Variants in PCDH15 observed in about 807,000 individuals in gnomAD.
The protein encoded by PCDH15 is protocadherin related 15.
A neutral mutation model predicts 178.5 loss-of-function variants in PCDH15; 129 were observed. That is an observed-to-expected ratio of 0.72 (90% CI 0.63 to 0.84). PCDH15 has a LOEUF of 0.84. Among genes scored for constraint, PCDH15 ranks in the 40% least tolerant of loss-of-function variants. The pLI is 0.00. For synonymous variants in PCDH15, 800 were observed against 732.0 expected (o/e 1.09, Z -1.50); for missense variants, 2,230 against 2,099.9 (o/e 1.06, Z -1.21).
intron 2 of PCDH15, among the ~76,000 whole-genome samples, chr10:54,587,802 T>C (rs990494100): frequency 4.6e-5 from 7 of 152,122 alleles, no homozygotes; most frequent in East Asian, 1.9e-4. Context: ...TGTGAAAGTA[T>C]AGCAAACAAA....
At chr10:54,598,697 AG>A (rs1423528997) in intron 2 of PCDH15, among the ~76,000 whole-genome samples, 3 of 152,196 alleles carry the variant, frequency 2.0e-5, no homozygotes, top group African/African-American at 7.2e-5. Context: ...TCCTGTTTGC[AG>A]ATGAAATGAT....
chr10:53,877,778 G>T (rs1468237758), intron 26 of PCDH15, among the ~76,000 whole-genome samples: 1 of 151,886 alleles, frequency 6.6e-6, no homozygotes, highest in South Asian at 2.1e-4. Context: ...TCACCTCCTG[G>T]CTCCTCCCTA....
At chr10:54,259,492 G>C (rs572710738) in intron 8 of PCDH15, among the ~76,000 whole-genome samples, 109 of 152,260 alleles carry the variant, frequency 7.2e-4, no homozygotes, top group African/African-American at 1.8e-3. Context: ...CAAGAAGAGA[G>C]TGAACAAAGT....
chr10:53,937,921 C>G (rs1353952808), intron 25 of PCDH15, among the ~76,000 whole-genome samples: 3 of 151,954 alleles, frequency 2.0e-5, no homozygotes, highest in Non-Finnish European at 4.4e-5. Context: ...TGTTTCAGAT[C>G]CTGTTTCTCA....
Position 54,378,859 on chromosome 10 carries a change from C to T in PCDH15, c.241G>A (p.Val81Met). 6.2e-7 allele frequency: 1 copy of T among 1,613,838 alleles called. No individual in the cohort carries two copies. The highest frequency in any genetic ancestry group is 2.2e-5 in the East Asian group (1 of 44,868). The stretch of plus-strand genomic sequence containing the variant: ...GGATCCATCAACACCCAGTAATCCA[C>T]ATTATCCTTTAAAGAAAGTTCTATG... ...PTIELSLKDN[V>M]DYWVLMDPVK... Residue 81 changes from valine to methionine, a missense_variant, in exon 4 of 38, where the codon GTG becomes ATG. Physicochemically the swap from Val to Met is conservative, Grantham distance 21 (BLOSUM62 1). Transcript: ENST00000644397.
intron 1 of PCDH15, among the ~76,000 whole-genome samples, chr10:55,261,231 T>C (rs1009930933): frequency 4.6e-5 from 7 of 152,338 alleles, no homozygotes; most frequent in African/African-American, 1.7e-4. Context: ...ATATGAAATA[T>C]AATTGGTATG....
At chr10:54,830,679 A>T (rs1373901805) in intron 3 of PCDH15, among the ~76,000 whole-genome samples, 3 of 152,032 alleles carry the variant, frequency 2.0e-5, no homozygotes, top group Admixed American at 6.6e-5. Flanking sequence ...GCACATGTAT[A>T]CATATGTAAC....
intron 8 of PCDH15, among the ~76,000 whole-genome samples, chr10:54,274,058 T>C (rs1401658801): frequency 6.6e-6 from 1 of 152,006 alleles, no homozygotes; most frequent in Admixed American, 6.6e-5. Context: ...CACTGCATGC[T>C]CTAACTCATA....
At chr10:54,271,721 C>T (rs1329915928) in intron 8 of PCDH15, among the ~76,000 whole-genome samples, 2 of 152,016 alleles carry the variant, frequency 1.3e-5, no homozygotes, top group East Asian at 1.9e-4. Flanking sequence ...CTTATACTCA[C>T]TATTTGCCCT....
At chr10:55,435,879 A>G (rs1839026902) in intron 2 of PCDH15, among the ~76,000 whole-genome samples, 1 of 152,166 alleles carries the variant, frequency 6.6e-6, no homozygotes, top group African/African-American at 2.4e-5. Context: ...TGTAATAGAG[A>G]AATGATTTTC....
intron 1 of PCDH15, among the ~76,000 whole-genome samples, chr10:55,180,276 C>A (rs1183651066): frequency 1.3e-5 from 2 of 152,060 alleles, no homozygotes; most frequent in Non-Finnish European, 1.5e-5. Context: ...AGGCTGGCTC[C>A]AGTTGTACAA....
rs1264383045 is a variant in PCDH15, at chr10:54,952,442, TCTCTAA to T, written c.-79-54948_-79-54943del. Among the ~76,000 whole-genome samples the T allele has an allele frequency of 8.6e-5, 13 of 151,890 alleles. No individual in the cohort carries two copies. The South Asian group carries it at 2.7e-3, about 31-fold the overall frequency. ...CACCTTGAAGTCAGGTTGTGTTGTT[TCTCTAA>T]CTCTGTTTTTCTCTTTCAAAACTAT... is the stretch of plus-strand genomic sequence containing the variant. On this transcript the variant is annotated intron_variant, in intron 2 of 5. Transcript: ENST00000458638.
chr10:55,199,077 C>A (rs573182046), intron 1 of PCDH15, among the ~76,000 whole-genome samples: 1 of 152,108 alleles, frequency 6.6e-6, no homozygotes, highest in South Asian at 2.1e-4. Flanking sequence ...GTGGAAGCAA[C>A]TTTTGGAACT....
chr10:53,824,263 C>T (rs972493773), intron 32 of PCDH15, among the ~76,000 whole-genome samples: 2 of 152,046 alleles, frequency 1.3e-5, no homozygotes, highest in Non-Finnish European at 1.5e-5. Flanking sequence ...AATTAAATGG[C>T]TCTAAGGAAA....
intron 2 of PCDH15, among the ~76,000 whole-genome samples, chr10:55,070,418 C>T (rs1397226578): frequency 1.1e-3 from 166 of 151,722 alleles, no homozygotes; most frequent in Middle Eastern, 3.4e-3. Flanking sequence ...TTAGGTCTAA[C>T]GTTTAAGTCT....
At chr10:54,260,361 TA>T (rs2057222527) in intron 8 of PCDH15, among the ~76,000 whole-genome samples, 1 of 151,002 alleles carries the variant, frequency 6.6e-6, no homozygotes, top group South Asian at 2.1e-4. Context: ...GTTACCAAAT[TA>T]GGGTCACTGC....
At chr10:54,695,023 T>A (rs1359749436) in intron 1 of PCDH15, among the ~76,000 whole-genome samples, 2 of 131,098 alleles carry the variant, frequency 1.5e-5, no homozygotes, top group African/African-American at 3.0e-5. Context: ...ACATGAATGA[T>A]AAGAAAACAA....
chr10:54,193,186 G>A (rs1425912290), intron 11 of PCDH15, among the ~76,000 whole-genome samples: 2 of 152,162 alleles, frequency 1.3e-5, no homozygotes, highest in Non-Finnish European at 2.9e-5. Context: ...TGCCCTGTGA[G>A]TACTACTGTC....
At chr10:54,649,812 C>G (rs138517827) in intron 2 of PCDH15, among the ~76,000 whole-genome samples, 1 of 152,038 alleles carries the variant, frequency 6.6e-6, no homozygotes, top group Non-Finnish European at 1.5e-5. Context: ...ATTTTGTCCC[C>G]ACGTCATTGA....
Sources: gnomAD v4.1 joint callset for allele counts (sites outside exome capture counted in the v4.1 genomes callset) on GRCh38, gnomAD v4.1.1 for gene constraint, MANE v1.5 for transcripts, NCBI Gene and HGNC (gene_info 2026-07-23, HGNC 2026-07-21) for gene names.